Variants in ZNF704 observed in about 807,000 individuals in gnomAD.
ZNF704 encodes the protein glucocorticoid induced gene 1.
Under a neutral mutation model 44.7 loss-of-function variants are expected in ZNF704, and 10 were observed. The observed-to-expected ratio is 0.22, with a 90% CI of 0.14 to 0.38. ZNF704 has a LOEUF of 0.38. Among genes scored for constraint, ZNF704 ranks in the 10% least tolerant of loss-of-function variants. The pLI, the probability that ZNF704 is intolerant of heterozygous loss-of-function variation, is 1.00. For missense variants in ZNF704, 390 were observed against 545.5 expected (o/e 0.71, Z 2.84); for synonymous variants, 211 against 207.6 (o/e 1.02, Z -0.14).
chr8:80,689,030 A>G (rs1818588695), intron 3 of ZNF704, among the ~76,000 whole-genome samples: 1 of 151,826 alleles, frequency 6.6e-6, no homozygotes, highest in Non-Finnish European at 1.5e-5. Flanking sequence ...ACCTTTCAAG[A>G]TGCACGACCT....
chr8:80,713,204 C>T (rs935763771), intron 2 of ZNF704, among the ~76,000 whole-genome samples: 3 of 152,144 alleles, frequency 2.0e-5, no homozygotes, highest in African/African-American at 7.2e-5. Flanking sequence ...ATTGTTTTGT[C>T]ACCCTTGTTC....
intron 5 of ZNF704, among the ~76,000 whole-genome samples, chr8:80,666,245 G>T (rs1210693427): frequency 6.7e-6 from 1 of 149,258 alleles, no homozygotes; most frequent in Non-Finnish European, 1.5e-5. Flanking sequence ...ATAGTTTACT[G>T]AGAATGATGA....
At chr8:80,777,547 C>T (rs1356728118) in intron 2 of ZNF704, among the ~76,000 whole-genome samples, 1 of 152,130 alleles carries the variant, frequency 6.6e-6, no homozygotes, top group East Asian at 1.9e-4. Context: ...TATATACACA[C>T]AACACATGCA....
At chr8:80,825,653 C>T (rs576418757) in intron 1 of ZNF704, among the ~76,000 whole-genome samples, 119 of 152,224 alleles carry the variant, frequency 7.8e-4, no homozygotes, top group African/African-American at 2.6e-3. Context: ...GCACTTATTC[C>T]GAAATTGACC....
intron 1 of ZNF704, among the ~76,000 whole-genome samples, chr8:80,859,329 A>AC (rs1809019683): frequency 6.6e-6 from 1 of 152,208 alleles, no homozygotes; most frequent in African/African-American, 2.4e-5. Context: ...AAGTTAATCT[A>AC]CCAGGGGTAG....
intron 2 of ZNF704, among the ~76,000 whole-genome samples, chr8:80,781,154 T>C (rs1048482798): frequency 2.0e-5 from 3 of 152,206 alleles, no homozygotes; most frequent in Non-Finnish European, 2.9e-5. Context: ...TTGCTTAAAA[T>C]GTACATTCTT....
chr8:80,688,890 C>T (rs749228981), intron 3 of ZNF704, among the ~76,000 whole-genome samples: 2 of 142,910 alleles, frequency 1.4e-5, no homozygotes, highest in Non-Finnish European at 3.0e-5. Context: ...ACTTGGGAGG[C>T]GGAGGTTGCA....
intron 2 of ZNF704, 115 bp from the exon 3 acceptor site, chr8:80,693,222 A>G (rs939725007): frequency 9.7e-6 from 8 of 820,866 alleles, no homozygotes; most frequent in Non-Finnish European, 1.6e-5. Context: ...TGAACAACCG[A>G]TGTTCTGTTA....
At chr8:80,771,558 CCTTG>C (rs1160491521) in intron 2 of ZNF704, among the ~76,000 whole-genome samples, 1 of 152,016 alleles carries the variant, frequency 6.6e-6, no homozygotes, top group Admixed American at 6.6e-5. Context: ...TATCCTTTGA[CCTTG>C]CTTAACTCTT....
At chr8:80,872,002 A>G (rs1309946770) in intron 1 of ZNF704, among the ~76,000 whole-genome samples, 2 of 152,186 alleles carry the variant, frequency 1.3e-5, no homozygotes, top group East Asian at 3.9e-4. Flanking sequence ...TTTTTTCCCT[A>G]TATTAAGCTT....
At chr8:80,771,185 A>T (rs778103669) in intron 2 of ZNF704, among the ~76,000 whole-genome samples, 1 of 152,146 alleles carries the variant, frequency 6.6e-6, no homozygotes, top group Non-Finnish European at 1.5e-5. Flanking sequence ...TAACTGTTTT[A>T]CTTTCTTTGA....
chr8:80,748,389 T>C (rs1272159683), intron 2 of ZNF704, among the ~76,000 whole-genome samples: 1 of 152,146 alleles, frequency 6.6e-6, no homozygotes, highest in East Asian at 1.9e-4. Context: ...AGGGAGAAAC[T>C]GACCAACAGT....
At chr8:80,656,570 T>C (rs921314290) in intron 7 of ZNF704, among the ~76,000 whole-genome samples, 1 of 152,220 alleles carries the variant, frequency 6.6e-6, no homozygotes, top group African/African-American at 2.4e-5. Context: ...CAGTTACATT[T>C]GTTAAATATG....
chr8:80,734,117 C>A (rs1031934654), intron 2 of ZNF704, among the ~76,000 whole-genome samples: 2 of 152,122 alleles, frequency 1.3e-5, no homozygotes, highest in Admixed American at 6.5e-5. Flanking sequence ...ATGTGAGAAA[C>A]CACTATTGAT....
intron 7 of ZNF704, among the ~76,000 whole-genome samples, chr8:80,651,512 C>T (rs1309321534): frequency 6.6e-6 from 1 of 152,148 alleles, no homozygotes; most frequent in African/African-American, 2.4e-5. Flanking sequence ...GCAGGGGTTG[C>T]AACCCTGGTC....
intron 7 of ZNF704, among the ~76,000 whole-genome samples, chr8:80,657,522 G>A (rs1049570085): frequency 3.3e-5 from 5 of 151,908 alleles, no homozygotes; most frequent in Admixed American, 6.6e-5. Context: ...GGAAACCCCC[G>A]TATCTACTAA....
At chr8:80,818,022 G>C (rs910397867) in intron 2 of ZNF704, among the ~76,000 whole-genome samples, 1 of 152,174 alleles carries the variant, frequency 6.6e-6, no homozygotes, top group Non-Finnish European at 1.5e-5. Flanking sequence ...GTTGAATGGA[G>C]GCAGGAGATC....
In ZNF704 at chr8:80,811,248, T is replaced by G. The variant is rs1808076436; in HGVS notation, c.221+10126A>C. ...GAATGGAAAGTGTCTCATTAATGAC[T>G]TTTTATATTGACATATGTTCAAATA... On this transcript the variant is annotated intron_variant, in intron 2 of 8. Transcript: ENST00000327835. Among the ~76,000 whole-genome samples the G allele has an allele frequency of 1.3e-5, 2 of 152,200 alleles. 1 individual carries two copies. Among genetic ancestry groups the G allele is most frequent in the South Asian group, 4.1e-4 (2 of 4,828 alleles).
chr8:80,855,633 G>A (rs529816730), intron 1 of ZNF704, among the ~76,000 whole-genome samples: 3 of 152,200 alleles, frequency 2.0e-5, no homozygotes, highest in Non-Finnish European at 4.4e-5. Flanking sequence ...AATGGGGTAA[G>A]AGGTGGATGA....
Sources: allele counts gnomAD v4.1 joint callset (sites outside exome capture counted in the v4.1 genomes callset), GRCh38; gene constraint gnomAD v4.1.1; transcripts MANE v1.5; gene names NCBI Gene and HGNC (gene_info 2026-07-23, HGNC 2026-07-21).